FBXO36: variants seen among roughly 807,000 people sequenced by gnomAD.
The protein encoded by FBXO36 is F-box protein 36, also known as F-box only protein 36.
Under a neutral mutation model 17.0 loss-of-function variants are expected in FBXO36, and 18 were observed. That is an observed-to-expected ratio of 1.06 (90% CI 0.73 to 1.57). The LOEUF (loss-of-function observed/expected upper bound fraction) is 1.57. FBXO36 is among the 40% of genes most tolerant of loss of function. FBXO36 has a pLI of 0.00. For missense variants in FBXO36, 229 were observed against 221.9 expected (o/e 1.03, Z -0.20); for synonymous variants, 83 against 85.3 (o/e 0.97, Z 0.15).
At chr2:229,971,520 C>T (rs796478561) in intron 1 of FBXO36, among the ~76,000 whole-genome samples, 1 of 151,966 alleles carries the variant, frequency 6.6e-6, no homozygotes, top group Non-Finnish European at 1.5e-5. Context: ...TGACTTAAAC[C>T]GATCAGGCTT....
At chr2:230,002,966 C>T (rs1414631299) in intron 3 of FBXO36, among the ~76,000 whole-genome samples, 1 of 151,856 alleles carries the variant, frequency 6.6e-6, no homozygotes, top group African/African-American at 2.4e-5. Flanking sequence ...GTGGCTCACA[C>T]CTTTGGGAGG....
chr2:229,931,361 T>C (rs1381418496), intron 1 of FBXO36, among the ~76,000 whole-genome samples: 1 of 152,128 alleles, frequency 6.6e-6, no homozygotes, highest in Non-Finnish European at 1.5e-5. Flanking sequence ...CAGATTTGCT[T>C]CATAATTATA....
At chr2:229,973,146 A>G (rs1422195971) in intron 1 of FBXO36, among the ~76,000 whole-genome samples, 1 of 151,944 alleles carries the variant, frequency 6.6e-6, no homozygotes, top group South Asian at 2.1e-4. Flanking sequence ...GTCAAAGGGT[A>G]TGGATACCTG....
intron 1 of FBXO36, among the ~76,000 whole-genome samples, chr2:229,945,692 A>G (rs1360301989): frequency 6.6e-6 from 1 of 152,062 alleles, no homozygotes; most frequent in Non-Finnish European, 1.5e-5. Context: ...AAGATTTTTC[A>G]GTTCAGAAAT....
chr2:230,008,448 G>C (rs2077398602), intron 3 of FBXO36, among the ~76,000 whole-genome samples: 1 of 152,120 alleles, frequency 6.6e-6, no homozygotes, highest in Non-Finnish European at 1.5e-5. Context: ...CAACTACTAA[G>C]CAAAAGATCG....
intron 1 of FBXO36, among the ~76,000 whole-genome samples, chr2:229,926,759 C>A (rs555332719): frequency 6.6e-6 from 1 of 151,878 alleles, no homozygotes; most frequent in East Asian, 1.9e-4. Flanking sequence ...TACTGTTATT[C>A]TTACTCTAGC....
At chr2:229,962,498 T>TATTTTATTTTA (rs1553807039) in intron 1 of FBXO36, among the ~76,000 whole-genome samples, 6 of 127,324 alleles carry the variant, frequency 4.7e-5, no homozygotes, top group Non-Finnish European at 8.1e-5. Context: ...ACCTAGTTGA[T>TATTTTATTTTA]TTTTATTTTA....
intron 1 of FBXO36, among the ~76,000 whole-genome samples, chr2:229,954,234 A>ATTTTTTTT (rs60093081): frequency 0.051 from 3,613 of 71,188 alleles, 1,125 homozygotes; most frequent in Middle Eastern, 0.094. Context: ...AACCCTTTGG[A>ATTTTTTTT]TTTTTTTTTT....
intron 1 of FBXO36, among the ~76,000 whole-genome samples, chr2:229,933,998 A>G (rs1449584702): frequency 2.6e-5 from 4 of 152,070 alleles, no homozygotes; most frequent in Non-Finnish European, 4.4e-5. Flanking sequence ...CCTTTAAAAA[A>G]AAATACACAA....
At chr2:230,001,284 CTTTTTTCTTT>C (rs1279799915) in intron 3 of FBXO36, among the ~76,000 whole-genome samples, 3 of 151,832 alleles carry the variant, frequency 2.0e-5, no homozygotes, top group South Asian at 2.1e-4. Flanking sequence ...TTTTCTTTTT[CTTTTTTCTTT>C]TTTTTTCTTT....
intron 1 of FBXO36, among the ~76,000 whole-genome samples, chr2:229,944,718 G>A (rs1297844531): frequency 2.0e-5 from 3 of 150,080 alleles, no homozygotes; most frequent in Non-Finnish European, 3.0e-5. Flanking sequence ...TCAGCCTCCC[G>A]AGTAGCTGGG....
chr2:229,974,373 T>G (rs1220303828), intron 1 of FBXO36, among the ~76,000 whole-genome samples: 3 of 152,186 alleles, frequency 2.0e-5, no homozygotes, highest in Non-Finnish European at 4.4e-5. Context: ...CTTATCTGTG[T>G]GTGTGACTTA....
rs557193296 is a variant in FBXO36, at chr2:229,985,465, CCTAA to C, written c.205+9122_205+9125del. On this transcript the variant is annotated intron_variant, in intron 2 of 3. Coordinates refer to ENST00000283946, the MANE Select transcript of FBXO36 (RefSeq NM_174899.5). ...TAACTTGGGCCTTTATTTTCTCATTCCTAACTAACACCTCTTACAACACTCCTCC... is the reference window on the plus strand; with the variant it reads ...TAACTTGGGCCTTTATTTTCTCATTCCTAACACCTCTTACAACACTCCTCC... Among the ~76,000 whole-genome samples, 366 of 152,122 alleles carry C rather than the reference CCTAA, an allele frequency of 2.4e-3. 2 individuals are homozygous for C. Among genetic ancestry groups the C allele is most frequent in the Admixed American group, 4.1e-3 (63 of 15,254 alleles).
chr2:229,954,382 A>G (rs891336280), intron 1 of FBXO36, among the ~76,000 whole-genome samples: 4 of 150,748 alleles, frequency 2.7e-5, no homozygotes, highest in Non-Finnish European at 5.9e-5. Flanking sequence ...AACTGGGATT[A>G]CAGGCATGCG....
At chr2:230,006,507 T>C (rs1394678082) in intron 3 of FBXO36, among the ~76,000 whole-genome samples, 1 of 152,180 alleles carries the variant, frequency 6.6e-6, no homozygotes, top group African/African-American at 2.4e-5. Context: ...GATATATGGA[T>C]ACACTTCAGG....
At chr2:229,927,641 A>G (rs918813386) in intron 1 of FBXO36, among the ~76,000 whole-genome samples, 2 of 151,932 alleles carry the variant, frequency 1.3e-5, no homozygotes, top group African/African-American at 4.8e-5. Flanking sequence ...GTTATAGTTA[A>G]CTCCAGCAGA....
chr2:229,940,693 C>G (rs1284852551), intron 1 of FBXO36, among the ~76,000 whole-genome samples: 2 of 152,084 alleles, frequency 1.3e-5, no homozygotes, highest in African/African-American at 4.8e-5. Flanking sequence ...ATGATGAAGG[C>G]AGAGATTGGA....
intron 1 of FBXO36, among the ~76,000 whole-genome samples, chr2:229,947,154 G>A (rs903713189): frequency 5.3e-5 from 8 of 152,114 alleles, no homozygotes; most frequent in Non-Finnish European, 1.0e-4. Context: ...GACAACAAGA[G>A]CGAAACTCTG....
At chr2:229,961,704 A>AT (rs1418998275) in intron 1 of FBXO36, among the ~76,000 whole-genome samples, 2 of 152,102 alleles carry the variant, frequency 1.3e-5, no homozygotes, top group Non-Finnish European at 1.5e-5. Flanking sequence ...ATTTAAAATA[A>AT]TTTTGTCCTC....
Sources: allele counts gnomAD v4.1 joint callset (sites outside exome capture counted in the v4.1 genomes callset), GRCh38; gene constraint gnomAD v4.1.1; transcripts MANE v1.5; gene names NCBI Gene and HGNC (gene_info 2026-07-23, HGNC 2026-07-21).